TYW1B: variants seen among roughly 807,000 people sequenced by gnomAD.
TYW1B encodes S-adenosyl-L-methionine-dependent tRNA 4-demethylwyosine synthase TYW1B.
Under a neutral mutation model 86.9 loss-of-function variants are expected in TYW1B, and 73 were observed. That is an observed-to-expected ratio of 0.84 (90% CI 0.70 to 1.02). TYW1B has a LOEUF of 1.02. Ranked by LOEUF, TYW1B falls within the 50% of genes least tolerant of loss-of-function variation. The pLI is 0.00. For synonymous variants in TYW1B, 248 were observed against 292.8 expected, an observed-to-expected ratio of 0.85 and a Z score of 1.56; for missense variants, 637 against 827.4, an observed-to-expected ratio of 0.77 and a Z score of 2.82.
At chr7:72,805,613 C>CAA (rs71517372) in intron 5 of TYW1B, among the ~76,000 whole-genome samples, 1,631 of 126,018 alleles carry the variant, frequency 0.013, 14 homozygotes, top group Middle Eastern at 0.028. Context: ...GACCCTTTCT[C>CAA]AAAAAAAAAA....
intron 7 of TYW1B, among the ~76,000 whole-genome samples, chr7:72,763,006 C>T (rs1180740703): frequency 5.3e-5 from 8 of 152,042 alleles, no homozygotes; most frequent in African/African-American, 1.9e-4. Flanking sequence ...ATAGTATACA[C>T]TCATGACCCT....
chr7:72,743,102 G>A (rs1256684027), intron 8 of TYW1B, among the ~76,000 whole-genome samples: 1 of 152,120 alleles, frequency 6.6e-6, no homozygotes, highest in Non-Finnish European at 1.5e-5. Context: ...TCCAAGAGAA[G>A]ATATGCAACA....
chr7:72,734,597 C>A (rs1236621210), intron 8 of TYW1B, among the ~76,000 whole-genome samples: 1 of 151,982 alleles, frequency 6.6e-6, no homozygotes, highest in African/African-American at 2.4e-5. Flanking sequence ...AAAGTAAAAA[C>A]AAATAAATAG....
At chr7:72,743,053 C>G (rs1168492440) in intron 8 of TYW1B, among the ~76,000 whole-genome samples, 1 of 152,066 alleles carries the variant, frequency 6.6e-6, no homozygotes, top group African/African-American at 2.4e-5. Flanking sequence ...CTAATAAATT[C>G]CATGATAAAT....
At chr7:72,681,658 G>A (rs776850749) in intron 11 of TYW1B, among the ~76,000 whole-genome samples, 63 of 142,858 alleles carry the variant, frequency 4.4e-4, no homozygotes, top group Admixed American at 1.6e-3. Context: ...GCAGGGGCAC[G>A]ATCCCCACTC....
chr7:72,694,587 G>C, intron 11 of TYW1B, 100 bp downstream of exon 11: 2 of 1,333,406 alleles, frequency 1.5e-6, no homozygotes, highest in Middle Eastern at 5.4e-4. Context: ...GAGAAAAGAG[G>C]AAAAAGTACC....
At chr7:72,731,021 A>T (rs1585937407) in intron 8 of TYW1B, among the ~76,000 whole-genome samples, 2 of 151,422 alleles carry the variant, frequency 1.3e-5, no homozygotes, top group South Asian at 2.1e-4. Flanking sequence ...GCAATTGAAA[A>T]GCATCACGTC....
At position 72,733,296 on chromosome 7, in the gene TYW1B, C is replaced by T. The variant is rs1280568062; in HGVS notation, c.1083-4365G>A. 2.6e-5 allele frequency among the ~76,000 whole-genome samples: 4 copies of T among 152,002 alleles called. No homozygotes were observed. In the East Asian group the frequency reaches 7.7e-4, roughly 29 times the overall value. On this transcript the variant is annotated intron_variant, in intron 8 of 13. Coordinates refer to ENST00000620995, the MANE Select transcript of TYW1B (RefSeq NM_001145440.3). ...TACGAGGCCAGTATTACCCTGAAAA[C>T]AAAACAGGACAAAAACACAACAAAA...
intron 13 of TYW1B, among the ~76,000 whole-genome samples, chr7:72,576,913 G>A (rs1424887306): frequency 6.6e-6 from 1 of 151,980 alleles, no homozygotes; most frequent in Admixed American, 6.5e-5. Context: ...GATCACCTGA[G>A]GTCGGGAGTT....
At chr7:72,632,308 TATATTATATATATTA>T (rs1554439938) in intron 11 of TYW1B, among the ~76,000 whole-genome samples, 1 of 94,606 alleles carries the variant, frequency 1.1e-5, no homozygotes, top group African/African-American at 5.1e-5. Context: ...TACGTGTATA[TATATTATATATATTA>T]TATATATATA....
At chr7:72,719,653 A>G (rs1563071160) in intron 9 of TYW1B, among the ~76,000 whole-genome samples, 1 of 149,160 alleles carries the variant, frequency 6.7e-6, no homozygotes, top group East Asian at 1.9e-4. Flanking sequence ...AAAAAAAAAA[A>G]GAAGGTGATA....
intron 6 of TYW1B, among the ~76,000 whole-genome samples, chr7:72,794,134 G>A (rs1240855651): frequency 2.6e-5 from 4 of 152,204 alleles, no homozygotes; most frequent in African/African-American, 4.8e-5. Context: ...GTGTTCCCCT[G>A]ACAGCAGGAT....
intron 10 of TYW1B, among the ~76,000 whole-genome samples, chr7:72,703,932 G>A (rs1814552177): frequency 6.6e-6 from 1 of 150,972 alleles, no homozygotes; most frequent in South Asian, 2.1e-4. Flanking sequence ...CTCTATTTCT[G>A]TGATATAGGT....
chr7:72,640,448 TTAAATA>T (rs1246258522), intron 11 of TYW1B, among the ~76,000 whole-genome samples: 2 of 151,624 alleles, frequency 1.3e-5, no homozygotes, highest in Non-Finnish European at 2.9e-5. Flanking sequence ...GAGATATAAC[TTAAATA>T]TAAAGATACA....
chr7:72,767,552 G>C (rs1244562749), intron 7 of TYW1B, among the ~76,000 whole-genome samples: 5 of 152,122 alleles, frequency 3.3e-5, no homozygotes, highest in Non-Finnish European at 7.4e-5. Flanking sequence ...GGAGCCTGCA[G>C]TAAGCTGAGA....
At chr7:72,771,072 C>T (rs1248887795) in intron 7 of TYW1B, among the ~76,000 whole-genome samples, 1 of 149,672 alleles carries the variant, frequency 6.7e-6, no homozygotes, top group Non-Finnish European at 1.5e-5. Context: ...AAGTGATTCT[C>T]CTGCCTCAGC....
chr7:72,755,642 C>T (rs1199115401), intron 7 of TYW1B, among the ~76,000 whole-genome samples: 3 of 152,100 alleles, frequency 2.0e-5, no homozygotes, highest in Non-Finnish European at 2.9e-5. Context: ...CCGGCCTGGG[C>T]GACAGAGTGA....
intron 11 of TYW1B, among the ~76,000 whole-genome samples, chr7:72,686,226 C>G (rs13227054): frequency 1.3e-5 from 2 of 152,096 alleles, no homozygotes; most frequent in African/African-American, 4.8e-5. Context: ...CTCCAAGGAG[C>G]TGAAAATTTA....
intron 6 of TYW1B, among the ~76,000 whole-genome samples, chr7:72,790,829 C>T (rs570570989): frequency 0.045 from 6,805 of 152,328 alleles, 194 homozygotes; most frequent in African/African-American, 0.076. Flanking sequence ...CCAAGGGAGC[C>T]AGCCTCCAGT....
Sources: gnomAD v4.1 joint callset for allele counts (sites outside exome capture counted in the v4.1 genomes callset) on GRCh38, gnomAD v4.1.1 for gene constraint, MANE v1.5 for transcripts, NCBI Gene and HGNC (gene_info 2026-07-23, HGNC 2026-07-21) for gene names.